Variants in KRT15 observed in about 807,000 individuals in gnomAD.
KRT15 encodes keratin, type I cytoskeletal 15.
KRT15 carries 45 observed loss-of-function variants against 46.6 expected under a neutral mutation model. The ratio of observed to expected loss-of-function variants is 0.97; its 90% CI spans 0.76 to 1.24. The LOEUF (loss-of-function observed/expected upper bound fraction) is 1.24. Among genes scored for constraint, KRT15 ranks in the 50% most tolerant of loss-of-function variants. The pLI, the probability that KRT15 is intolerant of heterozygous loss-of-function variation, is 0.00. For missense variants in KRT15, 592 were observed against 588.9 expected, an observed-to-expected ratio of 1.01 and a Z score of -0.05; for synonymous variants, 221 against 233.8, an observed-to-expected ratio of 0.95 and a Z score of 0.50.
At chr17:41,515,259 A>C (rs896205931) in intron 6 of KRT15, 2 of 584,414 alleles carry the variant, frequency 3.4e-6, no homozygotes, top group Non-Finnish European at 6.1e-6. Flanking sequence ...TCTATCATTT[A>C]CAGAAGAAAC....
chr17:41,515,505 G>A lies in KRT15; in HGVS notation c.1214C>T (p.Thr405Ile). Residue 405 changes from threonine (T) to isoleucine (I), a missense_variant, in exon 6 of 8, where the codon ACT becomes ATT. Transcript: ENST00000254043. The part of the protein sequence containing the change: ...IKTRLEQEIA[T>I]YRSLLEGQDA... The stretch of plus-strand genomic sequence containing the variant: ...CTGGCCCTCGAGCAGGCTGCGGTAA[G>A]TAGCGATCTCCTGCTCCAGCCGTGT... The A allele has an allele frequency of 6.2e-7, 1 of 1,613,826 alleles. No homozygotes were observed.
chr17:41,516,297 G>T, intron 3 of KRT15, 32 bp from the exon 4 acceptor site: 1 of 1,591,248 alleles, frequency 6.3e-7, no homozygotes. Context: ...CTTAGAGACG[G>T]AGAGCAGAAG....
chr17:41,517,904 TA>T (rs1318193818), intron 1 of KRT15, among the ~76,000 whole-genome samples: 1 of 152,114 alleles, frequency 6.6e-6, no homozygotes, highest in Non-Finnish European at 1.5e-5. Context: ...TAATTATTTT[TA>T]TTTAATTAGA....
Position 41,516,275 on chromosome 17 carries a change from G to A in KRT15, c.739-10C>T. On this transcript the variant is annotated splice_polypyrimidine_tract_variant and intron_variant, in intron 3 of 7. Coordinates refer to ENST00000254043, the MANE Select transcript of KRT15 (RefSeq NM_002275.4). The stretch of plus-strand genomic sequence containing the variant: ...TGAACTCCTTCATCTCCTGCAGGAT[G>A]GGAGGGACCCACTTAGAGACGGAGA... 2 of 1,610,166 alleles carry A rather than the reference G, an allele frequency of 1.2e-6. No homozygotes were observed. Among genetic ancestry groups the A allele is most frequent in the Non-Finnish European group, 1.7e-6 (2 of 1,178,056 alleles).
Position 41,513,933 on chromosome 17 carries a change from G to C in KRT15, c.*90C>G. 1.1e-6 allele frequency: 1 copy of C among 933,236 alleles called. No individual in the cohort carries two copies. The highest frequency in any genetic ancestry group is 1.8e-6 in the Non-Finnish European group (1 of 560,602). 57.8% of individuals were successfully genotyped at this position (933,236 alleles called of 1,614,324 possible). ...TTCAGCTCTCTGAAGGCAGGGACTG[G>C]AGTTTGCATGTGCAGGCCCTCTGGC... On this transcript the variant is annotated 3_prime_UTR_variant, in exon 8 of 8. Coordinates refer to ENST00000254043, the MANE Select transcript of KRT15 (RefSeq NM_002275.4).
chr17:41,514,986 C>T, intron 6 of KRT15: 1 of 309,364 alleles, frequency 3.2e-6, no homozygotes, highest in Non-Finnish European at 6.0e-6. Flanking sequence ...TGTGCCTCAG[C>T]CTCCCGAGTA....
intron 6 of KRT15, 149 bp from the exon 7 acceptor site, chr17:41,514,823 T>A: frequency 1.4e-6 from 1 of 692,830 alleles, no homozygotes; most frequent in Non-Finnish European, 2.5e-6. Context: ...GACATCCTGC[T>A]AGCCCATCCA....
At position 41,518,860 on chromosome 17, in the gene KRT15, A is replaced by G. The variant is rs377234364; in HGVS notation, c.-33T>C. 1.5e-5 allele frequency: 23 copies of G among 1,523,628 alleles called. No homozygotes were observed. Among genetic ancestry groups the G allele is most frequent in the Non-Finnish European group, 1.9e-5 (22 of 1,140,150 alleles). The allele number at this position is 1,523,628 out of a possible 1,614,324, so 94.4% of individuals were successfully genotyped here. On this transcript the variant is annotated 5_prime_UTR_variant, in exon 1 of 8. Coordinates refer to ENST00000254043, the MANE Select transcript of KRT15 (RefSeq NM_002275.4). ...TAGCTGGAGCCCGTGAGTTCTCAGC[A>G]AACCCAAGAGATGCTGGCAGGAGGT...
At chr17:41,514,952 C>T (rs1424306625) in intron 6 of KRT15, 3 of 349,560 alleles carry the variant, frequency 8.6e-6, no homozygotes, top group Non-Finnish European at 5.3e-6. Context: ...CTGAAACCTC[C>T]GCCTCCCGGG....
rs1023725953 is a variant in KRT15, at chr17:41,518,742, C to A, written c.86G>T (p.Gly29Val). ...CCCAGAGAGACTCCCCCCACCAAAG[C>A]CACCTCCCCCAGCCAGGAGGGAACC... ...RGGSLLAGGG[G>V]FGGGSLSGGG... is the part of the protein sequence containing the mutation. Residue 29 changes from glycine to valine, a missense_variant, in exon 1 of 8, where the codon GGC becomes GTC. Transcript: ENST00000254043. 1 of 1,604,430 alleles carries A rather than the reference C, an allele frequency of 6.2e-7. No homozygotes were observed. The highest frequency in any genetic ancestry group is 1.4e-5 in the African/African-American group (1 of 73,896).
chr17:41,518,337 C>T lies in KRT15; in HGVS notation c.491G>A (p.Arg164Gln), dbSNP rs139367098. The part of the protein sequence containing the change: ...SQYFKTIEEL[R>Q]DKIMATTIDN... ...TGACATCCGAGGACTCACCTTGTCCCGGAGCTCTTCAATGGTCTTGAAGTA... is the reference window on the plus strand; with the variant it reads ...TGACATCCGAGGACTCACCTTGTCCTGGAGCTCTTCAATGGTCTTGAAGTA... Residue 164 changes from arginine (R) to glutamine (Q), a missense_variant, in exon 1 of 8, where the codon CGG (arginine) becomes CAG (glutamine). Physicochemically the swap from Arg to Gln is conservative, Grantham distance 43. Coordinates refer to ENST00000254043, the MANE Select transcript of KRT15 (RefSeq NM_002275.4). The T allele has an allele frequency of 3.8e-5, 61 of 1,610,906 alleles. No individual in the cohort carries two copies. The highest frequency in any genetic ancestry group is 1.6e-4 in the Middle Eastern group (1 of 6,068).
intron 3 of KRT15, 139 bp downstream of exon 3, chr17:41,516,669 C>T: frequency 2.1e-6 from 2 of 972,152 alleles, no homozygotes; most frequent in East Asian, 2.5e-5. Flanking sequence ...CCCCACTCTG[C>T]CTCCCACTGA....
At chr17:41,514,747 T>G in intron 6 of KRT15, 73 bp from the exon 7 acceptor site, 1 of 1,513,692 alleles carries the variant, frequency 6.6e-7, no homozygotes, top group Non-Finnish European at 9.1e-7. Context: ...CTCATGTAGA[T>G]AGCTATGCAG....
Position 41,515,903 on chromosome 17 carries a change from CA to C in KRT15, c.1007del (p.Leu336ArgfsTer7). 6.2e-7 allele frequency: 1 copy of C among 1,614,090 alleles called. No individual in the cohort carries two copies. The highest frequency in any genetic ancestry group is 8.5e-7 in the Non-Finnish European group (1 of 1,179,972). ...GCCGTACCATGCTGAGCTGGGACTG[CA>C]GCTCGATCTCCAGCTCCTGCATCGT... ...RRTMQELEIE[L>X]QSQLSMKAGL... is the part of the protein sequence containing the mutation. On this transcript the variant is annotated frameshift_variant, in exon 5 of 8. Transcript: ENST00000254043. LOFTEE classifies it high-confidence loss of function.
At chr17:41,514,513 G>C in intron 7 of KRT15, 136 bp downstream of exon 7, 2 of 760,728 alleles carry the variant, frequency 2.6e-6, no homozygotes, top group Admixed American at 5.1e-5. Flanking sequence ...CACTGGGGAA[G>C]AGGCATCTAA....
chr17:41,516,892 C>G lies in KRT15; in HGVS notation c.654G>C (p.Glu218Asp). ...DINGLRRVLD[E>D]LTLARTDLEM... is the part of the protein sequence containing the mutation. ...CCAGGTCAGTCCTGGCCAGGGTCAGCTCATCCAGGACTCGGCGCAAGCCGT... is the reference window on the plus strand; with the variant it reads ...CCAGGTCAGTCCTGGCCAGGGTCAGGTCATCCAGGACTCGGCGCAAGCCGT... The change falls in exon 3 of 8, where the codon GAG becomes GAC. Residue 218 changes from glutamate (E) to aspartate (D), a missense_variant. Coordinates refer to ENST00000254043, the MANE Select transcript of KRT15 (RefSeq NM_002275.4). 6.2e-7 allele frequency: 1 copy of G among 1,614,230 alleles called. No homozygotes were observed. Among genetic ancestry groups the G allele is most frequent in the South Asian group, 1.1e-5 (1 of 91,086 alleles).
intron 2 of KRT15, 39 bp from the exon 3 acceptor site, chr17:41,517,003 C>T: frequency 6.2e-7 from 1 of 1,614,174 alleles, no homozygotes; most frequent in Non-Finnish European, 8.5e-7. Context: ...TGGGAGGGGT[C>T]TTGGCTGCCT....
In KRT15 at chr17:41,513,843, T is replaced by TG. The variant is rs550539008; in HGVS notation, c.*179dup. 2,165 of 602,992 alleles carry TG rather than the reference T, an allele frequency of 3.6e-3. 12 individuals carry two copies. Among genetic ancestry groups the TG allele is most frequent in the Non-Finnish European group, 4.4e-3 (1,475 of 333,094 alleles). 37.4% of individuals were successfully genotyped at this position (602,992 alleles called of 1,614,324 possible). A position where few individuals can be genotyped will look rare whatever the true frequency, so the allele number is the denominator to read the frequency against. On this transcript the variant is annotated 3_prime_UTR_variant, in exon 8 of 8. Transcript: ENST00000254043. ...CTGCATCTCCTTGCTCCAAAGAAGG[T>TG]GGGGAGAGGCAGAGGGGGAATAGAG... is the stretch of plus-strand genomic sequence containing the variant.
chr17:41,518,013 G>GC (rs1169185036), intron 1 of KRT15, among the ~76,000 whole-genome samples: 1 of 151,922 alleles, frequency 6.6e-6, no homozygotes, highest in Non-Finnish European at 1.5e-5. Context: ...TATCACCTTG[G>GC]CCCCCCAAAG....
Sources: gnomAD v4.1 joint callset for allele counts (sites outside exome capture counted in the v4.1 genomes callset) on GRCh38, gnomAD v4.1.1 for gene constraint, MANE v1.5 for transcripts, NCBI Gene and HGNC (gene_info 2026-07-23, HGNC 2026-07-21) for gene names.